BMP1: variants seen among roughly 807,000 people sequenced by gnomAD.
BMP1 encodes the protein mammalian tolloid protein.
Under a neutral mutation model 116.8 loss-of-function variants are expected in BMP1, and 63 were observed. The observed-to-expected ratio is 0.54, with a 90% CI of 0.44 to 0.67. The LOEUF (loss-of-function observed/expected upper bound fraction) is 0.67. Ranked by LOEUF, BMP1 falls within the 30% of genes least tolerant of loss-of-function variation. The probability of loss-of-function intolerance (pLI) is 0.00; values close to 1 mark genes in which losing one functional copy is unlikely to be tolerated. For synonymous variants in BMP1, 536 were observed against 533.4 expected (o/e 1.00, Z -0.07); for missense variants, 1,183 against 1,358.9 (o/e 0.87, Z 2.04).
At chr8:22,196,273 C>T (rs1438316368) in intron 13 of BMP1, 1 of 539,958 alleles carries the variant, frequency 1.9e-6, no homozygotes, top group Non-Finnish European at 3.6e-6. Flanking sequence ...GGGGACAGCA[C>T]TCCGAGGCTA....
In BMP1 at chr8:22,173,585, T is replaced by C; in HGVS notation, c.149-17T>C. On this transcript the variant is annotated splice_polypyrimidine_tract_variant and intron_variant, in intron 1 of 19. Coordinates refer to ENST00000306385, the MANE Select transcript of BMP1 (RefSeq NM_006129.5). Reference sequence around the variant, plus strand: ...TAGGAGGATTAACTCAGCCCTGGCTTCTTCTTTTCTCTTTAGCTGCCTTTC... The same window carrying C: ...TAGGAGGATTAACTCAGCCCTGGCTCCTTCTTTTCTCTTTAGCTGCCTTTC... The C allele has an allele frequency of 6.3e-7, 1 of 1,597,498 alleles. No individual in the cohort carries two copies. Among genetic ancestry groups the C allele is most frequent in the Non-Finnish European group, 8.5e-7 (1 of 1,169,604 alleles).
At chr8:22,180,571 G>A (rs1179680878) in intron 8 of BMP1, 88 bp downstream of exon 8, 1 of 1,240,972 alleles carries the variant, frequency 8.1e-7, no homozygotes, top group African/African-American at 1.5e-5. Context: ...GTCAATATGG[G>A]TGCCAGCGAC....
At chr8:22,177,817 C>T (rs1197836104) in intron 5 of BMP1, 35 bp from the exon 6 acceptor site, 1 of 1,509,832 alleles carries the variant, frequency 6.6e-7, no homozygotes, top group Admixed American at 1.7e-5. Flanking sequence ...CCCACCCCCT[C>T]CTCTCCCCCC....
At chr8:22,178,743 C>T (rs1356623745) in intron 6 of BMP1, among the ~76,000 whole-genome samples, 1 of 152,064 alleles carries the variant, frequency 6.6e-6, no homozygotes, top group Non-Finnish European at 1.5e-5. Context: ...GGCCCAGCCT[C>T]CCCTCCCCCA....
Position 22,179,909 on chromosome 8 carries a change from A to G in BMP1, c.961+80A>G, listed in dbSNP as rs1828562955. On this transcript the variant is annotated intron_variant, in intron 7 of 19. Coordinates refer to ENST00000306385, the MANE Select transcript of BMP1 (RefSeq NM_006129.5). This position sits in a 1 kb window ranked among gnomAD's most constrained non-coding sequence, Gnocchi z 4.6. ...AGAGGCCAGGTGCCTGGTGCCACCA[A>G]GAAGGCTTAGGCTGCAAGTCTTAGA... 7.0e-7 allele frequency: 1 copy of G among 1,429,430 alleles called. No individual in the cohort carries two copies. Among genetic ancestry groups the G allele is most frequent in the African/African-American group, 1.4e-5 (1 of 70,516 alleles). 88.5% of individuals were successfully genotyped at this position (1,429,430 alleles called of 1,614,324 possible). A position where few individuals can be genotyped will look rare whatever the true frequency, so the allele number is the denominator to read the frequency against.
intron 8 of BMP1, among the ~76,000 whole-genome samples, chr8:22,189,750 G>A (rs750133435): frequency 2.6e-5 from 4 of 151,924 alleles, no homozygotes; most frequent in Admixed American, 6.6e-5. Flanking sequence ...ACAGGTATGA[G>A]CTACCATGCC....
intron 8 of BMP1, among the ~76,000 whole-genome samples, chr8:22,181,126 G>T (rs765749276): frequency 2.0e-5 from 3 of 152,160 alleles, no homozygotes; most frequent in Non-Finnish European, 4.4e-5. Context: ...TCCAGTCTTT[G>T]CTCTGTGGGC....
Position 22,176,966 on chromosome 8 carries a change from G to T in BMP1, c.557G>T (p.Cys186Phe). ...IVFTYRPCGCCSYVGRRGGGP... is the reference protein window; with the variant it reads ...IVFTYRPCGCFSYVGRRGGGP... ...GAGCTGGCCCCGCCCTCCAGGTGCT[G>T]CTCCTACGTGGGTCGCCGCGGCGGG... The change falls in exon 5 of 20, where the codon TGC (cysteine) becomes TTC (phenylalanine). Residue 186 changes from cysteine (C) to phenylalanine (F), a missense_variant. Cys to Phe is a radical substitution (Grantham distance 205). This residue lies in a region of BMP1 where 956 missense variants were observed against 1,135.2 expected (regional missense o/e 0.84). Coordinates refer to ENST00000306385, the MANE Select transcript of BMP1 (RefSeq NM_006129.5). 2 of 1,609,970 alleles carry T rather than the reference G, an allele frequency of 1.2e-6. No individual in the cohort carries two copies. Among genetic ancestry groups the T allele is most frequent in the Non-Finnish European group, 1.7e-6 (2 of 1,178,446 alleles).
At position 22,201,866 on chromosome 8, in the gene BMP1, G is replaced by T; in HGVS notation, c.2171G>T (p.Ser724Ile). 3.7e-6 allele frequency: 6 copies of T among 1,613,880 alleles called. No homozygotes were observed. The highest frequency in any genetic ancestry group is 5.1e-6 in the Non-Finnish European group (6 of 1,179,962). The change falls in exon 16 of 20, where the codon AGT becomes ATT. Residue 724 changes from serine to isoleucine, a missense_variant. Around this residue, in one of 4 missense-constraint regions of BMP1, gnomAD observed 956 missense variants for 1,135.2 expected, o/e 0.84. Transcript: ENST00000306385. ...CAGGACTGCGTCAACACGTTCGGCA[G>T]TTATGAGTGCCAATGCCGCAGTGGC... ...CQQDCVNTFGSYECQCRSGFV... is the reference protein window; with the variant it reads ...CQQDCVNTFGIYECQCRSGFV...
rs752211200 is a variant in BMP1, at chr8:22,194,011, G to A, written c.1181-47G>A. ...CCTGGAGAGGTGGGGCCTCTATAGG[G>A]GGTGTCCTCAGGGTTCACCACTCTT... is the stretch of plus-strand genomic sequence containing the variant. On this transcript the variant is annotated intron_variant, in intron 9 of 19. Transcript: ENST00000306385. This position sits in a 1 kb window ranked among gnomAD's most constrained non-coding sequence, Gnocchi z 4.5. 1 of 1,501,682 alleles carries A rather than the reference G, an allele frequency of 6.7e-7. No homozygotes were observed. Among genetic ancestry groups the A allele is most frequent in the Admixed American group, 1.7e-5 (1 of 59,722 alleles). 93.0% of individuals were successfully genotyped at this position (1,501,682 alleles called of 1,614,324 possible). A position where few individuals can be genotyped will look rare whatever the true frequency, so the allele number is the denominator to read the frequency against.
chr8:22,176,340 G>C, intron 3 of BMP1, 27 bp downstream of exon 3: 1 of 1,574,090 alleles, frequency 6.4e-7, no homozygotes, highest in South Asian at 1.2e-5. Context: ...GGGTCCCAGA[G>C]TGTAACCAGC....
chr8:22,200,508 T>A (rs1829227885), intron 15 of BMP1, among the ~76,000 whole-genome samples: 1 of 152,128 alleles, frequency 6.6e-6, no homozygotes, highest in South Asian at 2.1e-4. Context: ...CAAGTGAGGA[T>A]GCGTATGTGG....
rs1829426654 is a variant in BMP1, at chr8:22,209,680, C to G, written c.2811C>G (p.Arg937=). ...GYDSTAPRLG[R]YCGSGPPEEV... ...ACAGCACAGCCCCCAGGCTGGGGCG[C>G]TACTGTGGCTCAGGGGTGAGGCCCC... Residue 937 remains arginine, a synonymous_variant, in exon 19 of 20, where the codon CGC becomes CGG. Transcript: ENST00000306385. The G allele has an allele frequency of 1.2e-5, 19 of 1,613,930 alleles. No homozygotes were observed. Among genetic ancestry groups the G allele is most frequent in the Non-Finnish European group, 1.5e-5 (18 of 1,179,958 alleles).
chr8:22,192,273 G>A, intron 9 of BMP1, 122 bp downstream of exon 9: 1 of 787,278 alleles, frequency 1.3e-6, no homozygotes, highest in Non-Finnish European at 2.1e-6. Flanking sequence ...TGGTATGGGA[G>A]CCAGGAGTCC....
At chr8:22,184,463 A>G (rs1379571322) in intron 8 of BMP1, among the ~76,000 whole-genome samples, 3 of 152,218 alleles carry the variant, frequency 2.0e-5, no homozygotes, top group Non-Finnish European at 2.9e-5. Context: ...TAAAAATTCC[A>G]GATTAATCAA....
intron 19 of BMP1, 63 bp downstream of exon 19, chr8:22,209,758 T>A: frequency 6.6e-7 from 1 of 1,522,448 alleles, no homozygotes; most frequent in Non-Finnish European, 8.8e-7. Context: ...TCCTCCACCC[T>A]TCTCAGCCCA....
At chr8:22,176,883 C>CGGCAGCCTGGCCCCGCCCCT in intron 4 of BMP1, 78 bp from the exon 5 acceptor site, 2 of 1,322,860 alleles carry the variant, frequency 1.5e-6, no homozygotes. Context: ...GCCCCGCCCC[C>CGGCAGCCTGGCCCCGCCCCT]GGCAGCCTGG....
At chr8:22,197,488 C>T (rs1227468270) in intron 15 of BMP1, 68 bp downstream of exon 15, 1 of 1,523,542 alleles carries the variant, frequency 6.6e-7, no homozygotes. Context: ...TTCTCCCTGC[C>T]CCTGCACCCC....
chr8:22,199,505 C>G, intron 15 of BMP1: 1 of 1,033,420 alleles, frequency 9.7e-7, no homozygotes, highest in Non-Finnish European at 1.2e-6. Flanking sequence ...ACTGAAGCAG[C>G]CTTCCTCAGG....
Sources: allele counts gnomAD v4.1 joint callset (sites outside exome capture counted in the v4.1 genomes callset), GRCh38; gene constraint gnomAD v4.1.1; regional missense constraint gnomAD v4.1.1; non-coding constraint Gnocchi (gnomAD v3.1); transcripts MANE v1.5; gene names NCBI Gene and HGNC (gene_info 2026-07-23, HGNC 2026-07-21).